Variants in TYRP1 observed in about 807,000 individuals in gnomAD.
The protein encoded by TYRP1 is tyrosinase related protein 1, also known as 5,6-dihydroxyindole-2-carboxylic acid oxidase.
In TYRP1, 49 loss-of-function variants were observed where a neutral mutation model predicts 42.8. That is an observed-to-expected ratio of 1.14 (90% CI 0.91 to 1.45). The LOEUF is 1.45. TYRP1 is among the 40% of genes most tolerant of loss of function. The pLI, the probability that TYRP1 is intolerant of heterozygous loss-of-function variation, is 0.00. For missense variants in TYRP1, 848 were observed against 662.0 expected (o/e 1.28, Z -3.08); for synonymous variants, 279 against 235.4 (o/e 1.19, Z -1.69).
At chr9:12,693,862 T>C in intron 1 of TYRP1, 50 bp from the exon 2 acceptor site, 1 of 1,262,168 alleles carries the variant, frequency 7.9e-7, no homozygotes. Context: ...CATACCATTT[T>C]AAGTACCAAG....
chr9:12,694,099 G>C lies in TYRP1; in HGVS notation c.103G>C (p.Ala35Pro), dbSNP rs1458555268. The change falls in exon 2 of 8, where the codon GCT (alanine) becomes CCT (proline). Residue 35 changes from alanine (A) to proline (P), a missense_variant. Physicochemically the swap from Ala to Pro is conservative, Grantham distance 27. Coordinates refer to ENST00000388918, the MANE Select transcript of TYRP1 (RefSeq NM_000550.3). ...QFPRQCATVEALRSGMCCPDL... is the reference protein window; with the variant it reads ...QFPRQCATVEPLRSGMCCPDL... Reference sequence around the variant, plus strand: ...CCCAAGACAGTGTGCCACTGTTGAGGCTTTGAGAAGTGGTATGTGTTGCCC... The same window carrying C: ...CCCAAGACAGTGTGCCACTGTTGAGCCTTTGAGAAGTGGTATGTGTTGCCC... 24 of 1,614,032 alleles carry C rather than the reference G, an allele frequency of 1.5e-5. No homozygotes were observed. Among genetic ancestry groups the C allele is most frequent in the Non-Finnish European group, 1.9e-5 (22 of 1,180,032 alleles).
chr9:12,707,286 A>T (rs544590938), intron 6 of TYRP1, among the ~76,000 whole-genome samples: 39 of 152,106 alleles, frequency 2.6e-4, no homozygotes, highest in Admixed American at 2.1e-3. Context: ...GTCTTTTCAT[A>T]TATATTATTT....
chr9:12,703,460 G>A (rs941012807), intron 5 of TYRP1, among the ~76,000 whole-genome samples: 3 of 151,570 alleles, frequency 2.0e-5, no homozygotes, highest in Admixed American at 6.6e-5. Flanking sequence ...GTAAACTAAG[G>A]CCATCAGCAC....
In TYRP1 at chr9:12,709,157, A is replaced by G. The variant is rs41305645; in HGVS notation, c.1589A>G (p.Gln530Arg). The G allele has an allele frequency of 2.5e-6, 4 of 1,612,510 alleles. No homozygotes were observed. The highest frequency in any genetic ancestry group is 2.2e-5 in the East Asian group (1 of 44,814). Reference protein sequence around the residue: ...QCYAEEYEKLQNPNQSVV With the variant: ...QCYAEEYEKLRNPNQSVV ...TATGCTGAAGAATATGAAAAACTCC[A>G]GAATCCTAATCAGTCTGTGGTCTAA... The change falls in exon 8 of 8, where the codon CAG becomes CGG. Residue 530 changes from glutamine to arginine, a missense_variant. Transcript: ENST00000388918.
chr9:12,702,935 T>G (rs1200641029), intron 5 of TYRP1, among the ~76,000 whole-genome samples: 1 of 152,086 alleles, frequency 6.6e-6, no homozygotes, highest in Non-Finnish European at 1.5e-5. Flanking sequence ...AAATTCAAAT[T>G]AGCATCTACT....
In TYRP1 at chr9:12,698,446, T is replaced by C. The variant is rs755136711; in HGVS notation, c.709-5T>C. 13 of 1,613,140 alleles carry C rather than the reference T, an allele frequency of 8.1e-6. No homozygotes were observed. Among genetic ancestry groups the C allele is most frequent in the African/African-American group, 1.3e-5 (1 of 75,022 alleles). On this transcript the variant is annotated splice_region_variant and splice_polypyrimidine_tract_variant and intron_variant, in intron 3 of 7. Coordinates refer to ENST00000388918, the MANE Select transcript of TYRP1 (RefSeq NM_000550.3). ...GAGAGTATTAATGTGGTTTCTGTGA[T>C]CTAGGAAATGTTGCAAGAGCCTTCT...
At chr9:12,703,946 A>G (rs1217718631) in intron 5 of TYRP1, among the ~76,000 whole-genome samples, 2 of 151,324 alleles carry the variant, frequency 1.3e-5, no homozygotes, top group Non-Finnish European at 1.5e-5. Context: ...TGGAATTGAG[A>G]TATTTATCAA....
Position 12,695,481 on chromosome 9 carries a change from G to C in TYRP1, c.386-34G>C, listed in dbSNP as rs201294491. ...TTTCTCTACCCATCCCCGCAAGGCA[G>C]ATGTTTTCATGCTTGAATTTTGTAT... is the stretch of plus-strand genomic sequence containing the variant. On this transcript the variant is annotated intron_variant, in intron 2 of 7. Coordinates refer to ENST00000388918, the MANE Select transcript of TYRP1 (RefSeq NM_000550.3). 11 of 1,605,912 alleles carry C rather than the reference G, an allele frequency of 6.8e-6. No homozygotes were observed. In the Admixed American group the frequency reaches 1.5e-4, roughly 22 times the overall value.
intron 6 of TYRP1, chr9:12,707,569 T>G (rs1586847213): frequency 1.1e-5 from 2 of 174,758 alleles, no homozygotes; most frequent in South Asian, 1.4e-4. Flanking sequence ...TAGAGTGGGG[T>G]CTGGGGAGAG....
rs149856598 is a variant in TYRP1, at chr9:12,702,283, G to A, written c.926G>A (p.Gly309Glu). ...LGTLCNSTED[G>E]PIRRNPAGNV... is the part of the protein sequence containing the mutation. ...TTTTTTTCTGCAGGCACCGAGGATGGGCCAATTAGGAGAAATCCAGCTGGA... is the reference window on the plus strand; with the variant it reads ...TTTTTTTCTGCAGGCACCGAGGATGAGCCAATTAGGAGAAATCCAGCTGGA... Residue 309 changes from glycine to glutamate, a missense_variant, in exon 5 of 8, where the codon GGG (glycine) becomes GAG (glutamate). By Grantham distance (98) the Gly-to-Glu change is moderately conservative (BLOSUM62 -2). Transcript: ENST00000388918. 68 of 1,612,792 alleles carry A rather than the reference G, an allele frequency of 4.2e-5. No individual in the cohort carries two copies. Among genetic ancestry groups the A allele is most frequent in the Non-Finnish European group, 5.9e-6 (7 of 1,179,350 alleles).
chr9:12,707,921 T>A (rs1818285053), intron 6 of TYRP1, 76 bp from the exon 7 acceptor site: 14 of 1,398,550 alleles, frequency 1.0e-5, no homozygotes, highest in African/African-American at 1.5e-5. Flanking sequence ...GAATATTGGA[T>A]GCCTTTAGAA....
chr9:12,702,470 T>C (rs2118249324), intron 5 of TYRP1, 32 bp downstream of exon 5: 1 of 1,604,824 alleles, frequency 6.2e-7, no homozygotes, highest in Middle Eastern at 1.7e-4. Context: ...TTTTAAAAGA[T>C]CTAGTTATCA....
rs866128452 is a variant in TYRP1, at chr9:12,694,015, C to G, written c.19C>G (p.Leu7Val). The G allele has an allele frequency of 3.1e-6, 5 of 1,614,006 alleles. No homozygotes were observed. In the African/African-American group the frequency reaches 5.3e-5, roughly 17 times the overall value. MSAPKL[L>V]SLGCIFFPLL... ...AAGCAGAATGAGTGCTCCTAAACTC[C>G]TCTCTCTGGGCTGTATCTTCTTCCC... Residue 7 changes from leucine to valine, a missense_variant, in exon 2 of 8, where the codon CTC becomes GTC. Transcript: ENST00000388918.
chr9:12,693,868 C>A, intron 1 of TYRP1, 44 bp from the exon 2 acceptor site: 3 of 1,330,782 alleles, frequency 2.3e-6, no homozygotes, highest in Admixed American at 3.7e-5. Flanking sequence ...ATTTTAAGTA[C>A]CAAGAAAAAC....
intron 4 of TYRP1, chr9:12,700,177 T>G (rs1818143373): frequency 6.6e-6 from 1 of 152,050 alleles, no homozygotes; most frequent in Non-Finnish European, 1.5e-5. Flanking sequence ...TAGTATCCTA[T>G]TTAGTCTTCA....
intron 6 of TYRP1, among the ~76,000 whole-genome samples, chr9:12,705,911 G>A (rs1644395852): frequency 1.3e-5 from 2 of 151,966 alleles, no homozygotes; most frequent in Admixed American, 6.6e-5. Flanking sequence ...TATACATAAT[G>A]ACAACCATAA....
intron 4 of TYRP1, chr9:12,700,588 T>C (rs1267842115): frequency 6.6e-6 from 1 of 152,084 alleles, no homozygotes; most frequent in Admixed American, 6.6e-5. Flanking sequence ...TTAGGTGCAA[T>C]GGCAGAGTTT....
rs1269468293 is a variant in TYRP1, at chr9:12,698,474, C to G, written c.732C>G (p.Phe244Leu). ...DMQEMLQEPS[F>L]SLPYWNFATG... is the part of the protein sequence containing the mutation. ...AGGAAATGTTGCAAGAGCCTTCTTT[C>G]TCCCTTCCTTACTGGAATTTTGCAA... Residue 244 changes from phenylalanine to leucine, a missense_variant, in exon 4 of 8, where the codon TTC (phenylalanine) becomes TTG (leucine). Coordinates refer to ENST00000388918, the MANE Select transcript of TYRP1 (RefSeq NM_000550.3). 6.2e-7 allele frequency: 1 copy of G among 1,613,722 alleles called. No homozygotes were observed. Among genetic ancestry groups the G allele is most frequent in the Non-Finnish European group, 8.5e-7 (1 of 1,179,742 alleles).
In TYRP1 at chr9:12,695,836, A is replaced by G; in HGVS notation, c.707A>G (p.Gln236Arg). ...CTCCTGCGTCTGGAGAAAGACATGCAGGTATGTAAGAAGCATTTCAGTTTG... is the reference window on the plus strand; with the variant it reads ...CTCCTGCGTCTGGAGAAAGACATGCGGGTATGTAAGAAGCATTTCAGTTTG... ...YHLLRLEKDM[Q>R]EMLQEPSFSL... Residue 236 changes from glutamine to arginine, a missense_variant and splice_region_variant, in exon 3 of 8, where the codon CAG becomes CGG. By Grantham distance (43) the Gln-to-Arg change is conservative. Coordinates refer to ENST00000388918, the MANE Select transcript of TYRP1 (RefSeq NM_000550.3). The G allele has an allele frequency of 6.2e-7, 1 of 1,613,878 alleles. No individual in the cohort carries two copies.
Sources: allele counts gnomAD v4.1 joint callset (sites outside exome capture counted in the v4.1 genomes callset), GRCh38; gene constraint gnomAD v4.1.1; transcripts MANE v1.5; gene names NCBI Gene and HGNC (gene_info 2026-07-23, HGNC 2026-07-21).